The following SLFN12 variants were observed in gnomAD, a reference collection of about 807,000 sequenced individuals.
SLFN12 encodes the protein schlafen family member 12.
SLFN12 carries 25 observed loss-of-function variants against 29.1 expected under a neutral mutation model. The ratio of observed to expected loss-of-function variants is 0.86; its 90% CI spans 0.63 to 1.20. The LOEUF is 1.20. Among genes scored for constraint, SLFN12 ranks in the 50% most tolerant of loss-of-function variants. The pLI, the probability that SLFN12 is intolerant of heterozygous loss-of-function variation, is 0.00. For synonymous variants in SLFN12, 257 were observed against 238.7 expected, an observed-to-expected ratio of 1.08 and a Z score of -0.71; for missense variants, 660 against 666.2, an observed-to-expected ratio of 0.99 and a Z score of 0.10.
chr17:35,421,931 GA>G, intron 2 of SLFN12, 58 bp downstream of exon 2: 1 of 1,568,520 alleles, frequency 6.4e-7, no homozygotes. Flanking sequence ...ATCCCATAGA[GA>G]AAACCTCCCT....
Position 35,422,974 on chromosome 17 carries a change from C to T in SLFN12, c.55G>A (p.Gly19Arg). 6.2e-7 allele frequency: 1 copy of T among 1,613,636 alleles called. No homozygotes were observed. Reference sequence around the variant, plus strand: ...CTGTTCTCTCCAAGAGTGACTCTTCCCACATCTAGAACCAACTCGGCATAA... The same window carrying T: ...CTGTTCTCTCCAAGAGTGACTCTTCTCACATCTAGAACCAACTCGGCATAA... ...TNYAELVLDVGRVTLGENSRK... is the reference protein window; with the variant it reads ...TNYAELVLDVRRVTLGENSRK... The change falls in exon 2 of 4, where the codon GGA becomes AGA. Residue 19 changes from glycine (G) to arginine (R), a missense_variant. By Grantham distance (125) the Gly-to-Arg change is moderately radical. Coordinates refer to ENST00000304905, the MANE Select transcript of SLFN12 (RefSeq NM_018042.5).
rs1911033006 is a variant in SLFN12 at position 35,411,771 on chromosome 17, T to C, written c.1304A>G (p.Gln435Arg). The C allele has an allele frequency of 6.2e-7, 1 of 1,614,044 alleles. No individual in the cohort carries two copies. Residue 435 changes from glutamine (Q) to arginine (R), a missense_variant, in exon 4 of 4, where the codon CAA (glutamine) becomes CGA (arginine). Coordinates refer to ENST00000304905, the MANE Select transcript of SLFN12 (RefSeq NM_018042.5). ...SRSWSVDLGL[Q>R]ENHKVLCDAL... Reference sequence around the variant, plus strand: ...ATCACAGAGGACTTTGTGGTTCTCTTGCAAGCCCAGATCCACAGACCAGCT... The same window carrying C: ...ATCACAGAGGACTTTGTGGTTCTCTCGCAAGCCCAGATCCACAGACCAGCT...
chr17:35,411,891 A>T lies in SLFN12; in HGVS notation c.1184T>A (p.Leu395His). The T allele has an allele frequency of 1.9e-6, 3 of 1,612,590 alleles. No individual in the cohort carries two copies. The highest frequency in any genetic ancestry group is 2.5e-6 in the Non-Finnish European group (3 of 1,179,602). Residue 395 changes from leucine to histidine, a missense_variant, in exon 4 of 4, where the codon CTT becomes CAT. Leu to His is a moderately conservative substitution (Grantham distance 99). Coordinates refer to ENST00000304905, the MANE Select transcript of SLFN12 (RefSeq NM_018042.5). ...ATGTTGTAAGAACAGTTTTCTGCAA[A>T]GGTTTTCTGGAGTATACGTTATCCT... Reference protein sequence around the residue: ...SGRITYTPENLCRKLFLQHEG... With the variant: ...SGRITYTPENHCRKLFLQHEG...
At position 35,411,757 on chromosome 17, in the gene SLFN12, CT is replaced by C; in HGVS notation, c.1317del (p.Val440SerfsTer7). 1 of 1,614,048 alleles carries C rather than the reference CT, an allele frequency of 6.2e-7. No homozygotes were observed. The highest frequency in any genetic ancestry group is 1.3e-5 in the African/African-American group (1 of 75,024). Reference protein sequence around the residue: ...SVDLGLQENHKVLCDALLISQ... With the variant: ...SVDLGLQENHXVLCDALLISQ... ...GAAATCAGAAGAGCATCACAGAGGA[CT>C]TTGTGGTTCTCTTGCAAGCCCAGAT... On this transcript the variant is annotated frameshift_variant, in exon 4 of 4. Coordinates refer to ENST00000304905, the MANE Select transcript of SLFN12 (RefSeq NM_018042.5). LOFTEE classifies it low-confidence loss of function (END_TRUNC).
intron 1 of SLFN12, chr17:35,431,748 G>A (rs1209863416): frequency 6.6e-6 from 1 of 152,088 alleles, no homozygotes; most frequent in East Asian, 1.9e-4. Context: ...GCTTTCCCAT[G>A]GTTCCCATTC....
rs1399908995 is a variant in SLFN12, at chr17:35,417,505, G to C, written c.1147+2769C>G. Among the ~76,000 whole-genome samples the C allele has an allele frequency of 3.9e-5, 6 of 152,008 alleles. No individual in the cohort carries two copies. In the East Asian group the frequency reaches 1.2e-3, roughly 29 times the overall value. On this transcript the variant is annotated intron_variant, in intron 3 of 3. Coordinates refer to ENST00000304905, the MANE Select transcript of SLFN12 (RefSeq NM_018042.5). The stretch of plus-strand genomic sequence containing the variant: ...GTACATGTGCACAATGCACAGGTTT[G>C]TTACATAGGTATACATGTGCCATGT...
At chr17:35,418,891 A>G (rs1163271162) in intron 3 of SLFN12, among the ~76,000 whole-genome samples, 1 of 152,058 alleles carries the variant, frequency 6.6e-6, no homozygotes, top group African/African-American at 2.4e-5. Flanking sequence ...TTACTGAGAC[A>G]AGGTCTCACG....
rs1040346619 is a variant in SLFN12 at position 35,412,421 on chromosome 17, T to C, written c.1148-494A>G. Reference sequence around the variant, plus strand: ...ACTAAAGAGCTGAATGTAAGTTTCTTCAGCCTCATGGTGCTCAGGAAACAC... The same window carrying C: ...ACTAAAGAGCTGAATGTAAGTTTCTCCAGCCTCATGGTGCTCAGGAAACAC... On this transcript the variant is annotated intron_variant, in intron 3 of 3. Transcript: ENST00000304905. Among the ~76,000 whole-genome samples, 3 of 152,102 alleles carry C rather than the reference T, an allele frequency of 2.0e-5. No individual in the cohort carries two copies. In the South Asian group the frequency reaches 6.2e-4, roughly 32 times the overall value.
At chr17:35,426,905 A>C (rs1333233700) in intron 1 of SLFN12, among the ~76,000 whole-genome samples, 1 of 152,144 alleles carries the variant, frequency 6.6e-6, no homozygotes, top group Non-Finnish European at 1.5e-5. Flanking sequence ...ACCCCAGCTC[A>C]TCTTCTGAGC....
At position 35,422,885 on chromosome 17, in the gene SLFN12, C is replaced by T; in HGVS notation, c.144G>A (p.Met48Ile). Reference sequence around the variant, plus strand: ...CCCCTCCAGAATTGAGCAGAGCACACATAGCTCGTGAGACACTTTCATTCT... The same window carrying T: ...CCCCTCCAGAATTGAGCAGAGCACATATAGCTCGTGAGACACTTTCATTCT... ...KKQNESVSRA[M>I]CALLNSGGGV... is the part of the protein sequence containing the mutation. The change falls in exon 2 of 4, where the codon ATG (methionine) becomes ATA (isoleucine). Residue 48 changes from methionine (M) to isoleucine (I), a missense_variant. Coordinates refer to ENST00000304905, the MANE Select transcript of SLFN12 (RefSeq NM_018042.5). 2 of 1,613,998 alleles carry T rather than the reference C, an allele frequency of 1.2e-6. No homozygotes were observed. Among genetic ancestry groups the T allele is most frequent in the Non-Finnish European group, 1.7e-6 (2 of 1,179,970 alleles).
intron 1 of SLFN12, among the ~76,000 whole-genome samples, chr17:35,425,898 A>C (rs1911997256): frequency 7.9e-6 from 1 of 126,842 alleles, no homozygotes; most frequent in Non-Finnish European, 1.6e-5. Flanking sequence ...ATAATGGCTA[A>C]GCTAGTTTAA....
intron 2 of SLFN12, among the ~76,000 whole-genome samples, chr17:35,421,407 A>G (rs886578362): frequency 4.6e-5 from 7 of 151,738 alleles, no homozygotes; most frequent in Non-Finnish European, 7.4e-5. Flanking sequence ...TAGACGTGGT[A>G]GGGAAGAAAC....
chr17:35,430,445 A>T (rs1365010542), intron 1 of SLFN12: 1 of 152,060 alleles, frequency 6.6e-6, no homozygotes, highest in Non-Finnish European at 1.5e-5. Context: ...ACCAAAACGT[A>T]AGGCCTTAGC....
chr17:35,417,448 CT>C (rs1365302503), intron 3 of SLFN12, among the ~76,000 whole-genome samples: 3 of 151,806 alleles, frequency 2.0e-5, no homozygotes, highest in African/African-American at 4.8e-5. Context: ...ACCTCAATTT[CT>C]TTTTTTTATT....
At chr17:35,424,484 T>G (rs1911889003) in intron 1 of SLFN12, among the ~76,000 whole-genome samples, 1 of 152,204 alleles carries the variant, frequency 6.6e-6, no homozygotes, top group African/African-American at 2.4e-5. Context: ...AAGTGTAACT[T>G]AAGTGTAACT....
chr17:35,418,007 C>A (rs1205733837), intron 3 of SLFN12, among the ~76,000 whole-genome samples: 1 of 152,084 alleles, frequency 6.6e-6, no homozygotes, highest in African/African-American at 2.4e-5. Flanking sequence ...AAGGATACAA[C>A]TTACTGATAT....
intron 3 of SLFN12, among the ~76,000 whole-genome samples, chr17:35,417,120 G>A (rs1911362051): frequency 6.6e-6 from 1 of 152,012 alleles, no homozygotes; most frequent in Admixed American, 6.6e-5. Flanking sequence ...ACTATTCTTA[G>A]ACCTTGTCAC....
intron 3 of SLFN12, among the ~76,000 whole-genome samples, chr17:35,416,387 A>G (rs959619538): frequency 4.6e-5 from 7 of 152,140 alleles, no homozygotes; most frequent in African/African-American, 1.4e-4. Flanking sequence ...AGAAGACTAC[A>G]CACTGGGTAC....
chr17:35,424,514 T>C (rs1327421158), intron 1 of SLFN12, among the ~76,000 whole-genome samples: 2 of 152,164 alleles, frequency 1.3e-5, no homozygotes, highest in East Asian at 1.9e-4. Context: ...AGTTAATAAG[T>C]GTAACTTAAG....
Sources: allele counts gnomAD v4.1 joint callset (sites outside exome capture counted in the v4.1 genomes callset), GRCh38; gene constraint gnomAD v4.1.1; transcripts MANE v1.5; gene names NCBI Gene and HGNC (gene_info 2026-07-23, HGNC 2026-07-21).